GSR: variants seen among roughly 807,000 people sequenced by gnomAD.
The protein encoded by GSR is glutathione-disulfide reductase.
GSR carries 48 observed loss-of-function variants against 56.5 expected under a neutral mutation model. That is an observed-to-expected ratio of 0.85 (90% CI 0.67 to 1.08). The LOEUF is 1.08. Among genes scored for constraint, GSR ranks in the 50% least tolerant of loss-of-function variants. The pLI, the probability that GSR is intolerant of heterozygous loss-of-function variation, is 0.00. For missense variants in GSR, 694 were observed against 703.3 expected (o/e 0.99, Z 0.15); for synonymous variants, 264 against 270.8 (o/e 0.97, Z 0.25).
chr8:30,685,346 C>T (rs1803126579), intron 9 of GSR, among the ~76,000 whole-genome samples: 1 of 152,142 alleles, frequency 6.6e-6, no homozygotes, highest in African/African-American at 2.4e-5. Flanking sequence ...ACGCCTAGGT[C>T]TCCCAAAGCA....
intron 9 of GSR, among the ~76,000 whole-genome samples, chr8:30,686,803 T>G (rs1803178455): frequency 1.3e-5 from 2 of 152,002 alleles, no homozygotes; most frequent in South Asian, 4.1e-4. Flanking sequence ...AATGACCAGT[T>G]TTTTGTTGTT....
intron 2 of GSR, among the ~76,000 whole-genome samples, chr8:30,711,468 A>G (rs559431255): frequency 6.6e-6 from 1 of 152,292 alleles, no homozygotes; most frequent in South Asian, 2.1e-4. Context: ...GAACTTGAGA[A>G]GATTCCATTC....
Position 30,722,195 on chromosome 8 carries a change from AG to A in GSR, c.306+5334del, listed in dbSNP as rs539582463. Among the ~76,000 whole-genome samples, 32 of 152,326 alleles carry A rather than the reference AG, an allele frequency of 2.1e-4. 2 individuals are homozygous for A. In the South Asian group the frequency reaches 5.0e-3, roughly 24 times the overall value. The stretch of plus-strand genomic sequence containing the variant: ...GTACAAAAAAAGGAAGCAGTCAACA[AG>A]GTAAGTTAAAAGCCAAATTTCAACA... On this transcript the variant is annotated intron_variant, in intron 1 of 12. Transcript: ENST00000221130.
intron 8 of GSR, among the ~76,000 whole-genome samples, chr8:30,691,555 A>C (rs1430626036): frequency 6.8e-6 from 1 of 147,914 alleles, no homozygotes; most frequent in Non-Finnish European, 1.5e-5. Context: ...GTGGTGCGTG[A>C]CTGTAATCCC....
At chr8:30,705,812 C>T (rs1803899730) in intron 4 of GSR, among the ~76,000 whole-genome samples, 1 of 152,128 alleles carries the variant, frequency 6.6e-6, no homozygotes, top group African/African-American at 2.4e-5. Flanking sequence ...CTTAAAATCT[C>T]CTGTGCTTAA....
At chr8:30,689,931 T>G (rs1247472301) in intron 8 of GSR, among the ~76,000 whole-genome samples, 1 of 142,752 alleles carries the variant, frequency 7.0e-6, no homozygotes, top group Non-Finnish European at 1.5e-5. Flanking sequence ...ATGTTTTTAT[T>G]AAATATATGT....
intron 8 of GSR, among the ~76,000 whole-genome samples, 188 bp downstream of exon 8, chr8:30,692,781 T>A (rs1321494778): frequency 5.9e-5 from 9 of 151,782 alleles, no homozygotes; most frequent in African/African-American, 2.2e-4. Context: ...GGATTACAAG[T>A]GTGAGCCACC....
chr8:30,708,173 C>G, intron 3 of GSR, 32 bp from the exon 4 acceptor site: 1 of 1,477,516 alleles, frequency 6.8e-7, no homozygotes, highest in Non-Finnish European at 9.5e-7. Flanking sequence ...TATTCAGAAA[C>G]AGGATCTTCC....
At chr8:30,723,189 C>T (rs921748572) in intron 1 of GSR, among the ~76,000 whole-genome samples, 64 of 152,256 alleles carry the variant, frequency 4.2e-4, no homozygotes, top group African/African-American at 1.5e-3. Flanking sequence ...TCTCCCATCA[C>T]GTGTGTAGGC....
chr8:30,686,533 A>T (rs1257136278), intron 9 of GSR, among the ~76,000 whole-genome samples: 1 of 152,022 alleles, frequency 6.6e-6, no homozygotes, highest in East Asian at 1.9e-4. Flanking sequence ...AATTTTTTTT[A>T]AAAATTAGCC....
At position 30,684,197 on chromosome 8, in the gene GSR, C is replaced by A; in HGVS notation, c.1044G>T (p.Gly348=). ...NTKDLSLNKL[G]IQTDDKGHII... The stretch of plus-strand genomic sequence containing the variant: ...TATGACCCTTGTCATCGGTTTGAAT[C>A]CCCTAAAATTACAAAGAGATATCAT... The change falls in exon 10 of 13, where the codon GGG becomes GGT. Residue 348 remains glycine (G), a splice_region_variant and synonymous_variant. Transcript: ENST00000221130. The A allele has an allele frequency of 6.4e-7, 1 of 1,571,866 alleles. No individual in the cohort carries two copies. The highest frequency in any genetic ancestry group is 8.8e-7 in the Non-Finnish European group (1 of 1,141,418).
At chr8:30,700,013 G>T in intron 6 of GSR, 68 bp downstream of exon 6, 1 of 1,110,672 alleles carries the variant, frequency 9.0e-7, no homozygotes, top group Non-Finnish European at 1.4e-6. Context: ...GGGAGGAGAA[G>T]ACGAAGAAAA....
At chr8:30,697,231 T>C (rs1264589961) in intron 6 of GSR, among the ~76,000 whole-genome samples, 2 of 151,840 alleles carry the variant, frequency 1.3e-5, no homozygotes, top group African/African-American at 2.4e-5. Flanking sequence ...CTGGCCAACA[T>C]GGTGAACCCC....
rs1238709555 is a variant in GSR at position 30,679,469 on chromosome 8, A to C, written c.*51T>G. ...GTAAGTCAATGTGATTATTTGTTTCATTTCAGAAGATCTATGGGTCCCACT... is the reference window on the plus strand; with the variant it reads ...GTAAGTCAATGTGATTATTTGTTTCCTTTCAGAAGATCTATGGGTCCCACT... On this transcript the variant is annotated 3_prime_UTR_variant, in exon 13 of 13. Coordinates refer to ENST00000221130, the MANE Select transcript of GSR (RefSeq NM_000637.5). The C allele has an allele frequency of 1.3e-6, 2 of 1,553,482 alleles. No homozygotes were observed. The highest frequency in any genetic ancestry group is 1.4e-5 in the African/African-American group (1 of 73,772).
intron 1 of GSR, among the ~76,000 whole-genome samples, chr8:30,724,784 C>T (rs770184565): frequency 2.2e-4 from 34 of 152,140 alleles, no homozygotes; most frequent in Admixed American, 2.6e-4. Context: ...GATCTGCCCA[C>T]CTTGGCCTCC....
At chr8:30,694,708 G>T (rs1803489979) in intron 7 of GSR, among the ~76,000 whole-genome samples, 1 of 151,990 alleles carries the variant, frequency 6.6e-6, no homozygotes, top group Admixed American at 6.6e-5. Flanking sequence ...CGGATCACTT[G>T]AGCTCAGGAG....
In GSR at chr8:30,707,989, T is replaced by C. The variant is rs1803974476; in HGVS notation, c.492+83A>G. 4 of 797,152 alleles carry C rather than the reference T, an allele frequency of 5.0e-6. No individual in the cohort carries two copies. The South Asian group carries it at 6.7e-5, about 13-fold the overall frequency. The allele number at this position is 797,152 out of a possible 1,614,324, so 49.4% of individuals were successfully genotyped here. Reference sequence around the variant, plus strand: ...ATAATAATAAAAATAAATAAATAAATAGGGCTACAGTCTGGCAAGACTTAG... The same window carrying C: ...ATAATAATAAAAATAAATAAATAAACAGGGCTACAGTCTGGCAAGACTTAG... On this transcript the variant is annotated intron_variant, in intron 4 of 12. Transcript: ENST00000221130.
chr8:30,690,304 C>G (rs1249293003), intron 8 of GSR, among the ~76,000 whole-genome samples: 1 of 151,770 alleles, frequency 6.6e-6, no homozygotes, highest in East Asian at 1.9e-4. Flanking sequence ...GGACAACAGG[C>G]ACGTGCTACC....
chr8:30,708,081 A>T lies in GSR; in HGVS notation c.483T>A (p.Asn161Lys), dbSNP rs762502912. 1 of 1,612,104 alleles carries T rather than the reference A, an allele frequency of 6.2e-7. No homozygotes were observed. The highest frequency in any genetic ancestry group is 2.2e-5 in the East Asian group (1 of 44,886). ...AACCCAGCATACACACCTTGGTGAGATTGTTTTGATAGATGGCATTCAGGC... is the reference window on the plus strand; with the variant it reads ...AACCCAGCATACACACCTTGGTGAGTTTGTTTTGATAGATGGCATTCAGGC... ...VSRLNAIYQN[N>K]LTKSHIEIIR... The change falls in exon 4 of 13, where the codon AAT becomes AAA. Residue 161 changes from asparagine to lysine, a missense_variant. Coordinates refer to ENST00000221130, the MANE Select transcript of GSR (RefSeq NM_000637.5).
Sources: gnomAD v4.1 joint callset for allele counts (sites outside exome capture counted in the v4.1 genomes callset) on GRCh38, gnomAD v4.1.1 for gene constraint, MANE v1.5 for transcripts, NCBI Gene and HGNC (gene_info 2026-07-23, HGNC 2026-07-21) for gene names.